Variants in MAP3K20 observed in about 807,000 individuals in gnomAD.
The protein encoded by MAP3K20 is mitogen-activated protein kinase kinase kinase 20, also known as HCCS-4.
A neutral mutation model predicts 85.7 loss-of-function variants in MAP3K20; 40 were observed. That is an observed-to-expected ratio of 0.47 (90% confidence interval 0.36 to 0.61). The LOEUF is 0.61. Ranked by LOEUF, MAP3K20 falls within the 20% of genes least tolerant of loss-of-function variation. The pLI, the probability that MAP3K20 is intolerant of heterozygous loss-of-function variation, is 0.00. For missense variants in MAP3K20, 817 were observed against 961.7 expected, an observed-to-expected ratio of 0.85 and a Z score of 1.99; for synonymous variants, 325 against 327.7, an observed-to-expected ratio of 0.99 and a Z score of 0.09.
At chr2:173,225,018 A>C (rs534900173) in intron 11 of MAP3K20, 2 of 983,086 alleles carry the variant, frequency 2.0e-6, no homozygotes, top group African/African-American at 3.5e-5. Context: ...ATTCAAAATG[A>C]TAATTGAATC....
chr2:173,181,479 G>GT (rs1170726043), intron 3 of MAP3K20, among the ~76,000 whole-genome samples: 2 of 152,194 alleles, frequency 1.3e-5, no homozygotes, highest in South Asian at 4.1e-4. Flanking sequence ...CAGATTGATA[G>GT]TTTCTTTAAA....
chr2:173,132,484 T>C (rs187112926), intron 2 of MAP3K20, among the ~76,000 whole-genome samples: 29 of 152,244 alleles, frequency 1.9e-4, no homozygotes, highest in African/African-American at 6.7e-4. Flanking sequence ...TTCTACCCCT[T>C]CCCTGCCCCT....
chr2:173,169,856 G>A lies in MAP3K20; in HGVS notation c.211G>A (p.Val71Ile), dbSNP rs906311477. Residue 71 changes from valine (V) to isoleucine (I), a missense_variant, in exon 3 of 20, where the codon GTA becomes ATA. This residue lies in a region of MAP3K20 where 200 missense variants were observed against 302.7 expected (regional missense o/e 0.66). Coordinates refer to ENST00000375213, the MANE Select transcript of MAP3K20 (RefSeq NM_016653.3). ...SHRNIIQFYGVILEPPNYGIV... is the reference protein window; with the variant it reads ...SHRNIIQFYGIILEPPNYGIV... ...CAGAAACATCATCCAGTTTTATGGA[G>A]TAATTCTTGAACCTCCCAACTATGG... 1.9e-6 allele frequency: 3 copies of A among 1,613,958 alleles called. No homozygotes were observed. The highest frequency in any genetic ancestry group is 2.5e-6 in the Non-Finnish European group (3 of 1,179,956).
intron 3 of MAP3K20, among the ~76,000 whole-genome samples, chr2:173,170,942 CAGAG>C (rs1338190178): frequency 6.6e-6 from 1 of 152,158 alleles, no homozygotes; most frequent in African/African-American, 2.4e-5. Context: ...TTCTTAAACT[CAGAG>C]AGACATGGTT....
In MAP3K20 at chr2:173,191,161, C is replaced by T; in HGVS notation, c.566C>T (p.Thr189Ile). 6.2e-7 allele frequency: 1 copy of T among 1,613,874 alleles called. No individual in the cohort carries two copies. Among genetic ancestry groups the T allele is most frequent in the East Asian group, 2.2e-5 (1 of 44,870 alleles). ...CTCCCTGTGTCAGAAACTTGTGACA[C>T]ATATTCCTATGGTGTGGTGAGTTCA... ...QSLPVSETCD[T>I]YSYGVVLWEM... Residue 189 changes from threonine (T) to isoleucine (I), a missense_variant, in exon 7 of 20, where the codon ACA becomes ATA. Physicochemically the swap from Thr to Ile is moderately conservative, Grantham distance 89 (BLOSUM62 -1). Transcript: ENST00000375213.
intron 16 of MAP3K20, among the ~76,000 whole-genome samples, chr2:173,242,904 A>C (rs1242621115): frequency 6.6e-6 from 1 of 151,184 alleles, no homozygotes; most frequent in Non-Finnish European, 1.5e-5. Flanking sequence ...ACAGGGTTTC[A>C]CCATGTTGGT....
intron 2 of MAP3K20, among the ~76,000 whole-genome samples, chr2:173,143,086 A>G (rs1689024985): frequency 6.6e-6 from 1 of 152,188 alleles, no homozygotes; most frequent in South Asian, 2.1e-4. Context: ...GCTATCTACA[A>G]GAGGTGTATT....
intron 16 of MAP3K20, among the ~76,000 whole-genome samples, chr2:173,244,872 T>TG (rs1684878304): frequency 6.6e-6 from 1 of 152,186 alleles, no homozygotes; most frequent in South Asian, 2.1e-4. Flanking sequence ...ACCCTCTTCA[T>TG]GGGAAAGGTG....
chr2:173,140,716 T>C (rs1468508021), intron 2 of MAP3K20, among the ~76,000 whole-genome samples: 1 of 152,214 alleles, frequency 6.6e-6, no homozygotes, highest in East Asian at 1.9e-4. Flanking sequence ...AAATGGATCA[T>C]GTGAAGAGGG....
At chr2:173,263,028 T>C (rs1685331860) in intron 18 of MAP3K20, among the ~76,000 whole-genome samples, 1 of 152,126 alleles carries the variant, frequency 6.6e-6, no homozygotes, top group Non-Finnish European at 1.5e-5. Flanking sequence ...TTTGTCTGGG[T>C]TTTTCACTTC....
chr2:173,180,853 T>A (rs1334069904), intron 3 of MAP3K20, among the ~76,000 whole-genome samples: 3 of 152,152 alleles, frequency 2.0e-5, no homozygotes, highest in Non-Finnish European at 4.4e-5. Flanking sequence ...TTAGAAATGA[T>A]ACCAAAAGCA....
At chr2:173,153,595 T>C (rs1254643740) in intron 2 of MAP3K20, among the ~76,000 whole-genome samples, 1 of 152,242 alleles carries the variant, frequency 6.6e-6, no homozygotes, top group African/African-American at 2.4e-5. Flanking sequence ...TTCTAACTTA[T>C]GGGAAAGTAG....
intron 19 of MAP3K20, among the ~76,000 whole-genome samples, chr2:173,265,029 CACACAT>C (rs75251167): frequency 0.13 from 20,224 of 152,152 alleles, 1,410 homozygotes; most frequent in Middle Eastern, 0.17. Flanking sequence ...CAATAAAATA[CACACAT>C]ACACACAACA....
chr2:173,221,208 A>G, intron 11 of MAP3K20: 1 of 1,589,180 alleles, frequency 6.3e-7, no homozygotes, highest in Non-Finnish European at 8.6e-7. Flanking sequence ...TCTAAAACAG[A>G]GGAGTCAAAC....
At chr2:173,094,664 GTGA>G (rs1309730412) in intron 2 of MAP3K20, among the ~76,000 whole-genome samples, 1 of 152,132 alleles carries the variant, frequency 6.6e-6, no homozygotes, top group East Asian at 1.9e-4. Context: ...TGGGGTTTAT[GTGA>G]TTTCCTCCCC....
intron 10 of MAP3K20, chr2:173,215,853 A>G (rs73016810): frequency 0.13 from 19,468 of 152,258 alleles, 1,790 homozygotes; most frequent in African/African-American, 0.26. Context: ...AGAAAAAGGC[A>G]GACTTTGGTT....
intron 1 of MAP3K20, among the ~76,000 whole-genome samples, chr2:173,077,121 G>C (rs1020270821): frequency 6.6e-6 from 1 of 152,150 alleles, no homozygotes; most frequent in Non-Finnish European, 1.5e-5. Context: ...TGGTGTGTGA[G>C]AATCGTCTTA....
chr2:173,143,984 A>C (rs776991448), intron 2 of MAP3K20, among the ~76,000 whole-genome samples: 2 of 152,102 alleles, frequency 1.3e-5, no homozygotes, highest in Non-Finnish European at 2.9e-5. Context: ...ACTACAAGAC[A>C]TTTCTGAGAG....
rs1201996522 is a variant in MAP3K20 at position 173,221,711 on chromosome 2, CGGG to C, written c.987+4465_987+4467del. 7 of 1,307,100 alleles carry C rather than the reference CGGG, an allele frequency of 5.4e-6. No individual in the cohort carries two copies. In the African/African-American group the frequency reaches 7.4e-5, roughly 14 times the overall value. 81.0% of individuals were successfully genotyped at this position (1,307,100 alleles called of 1,614,324 possible). ...ACTTTTATTTTTGCTTACAGAAAAACGGGGGGAGAATTAAGCCAAAGAAGTATA... is the reference window on the plus strand; with the variant it reads ...ACTTTTATTTTTGCTTACAGAAAAACGGGAGAATTAAGCCAAAGAAGTATA... On this transcript the variant is annotated intron_variant, in intron 11 of 19. Coordinates refer to ENST00000375213, the MANE Select transcript of MAP3K20 (RefSeq NM_016653.3).
Sources: allele counts gnomAD v4.1 joint callset (sites outside exome capture counted in the v4.1 genomes callset), GRCh38; gene constraint gnomAD v4.1.1; regional missense constraint gnomAD v4.1.1; transcripts MANE v1.5; gene names NCBI Gene and HGNC (gene_info 2026-07-23, HGNC 2026-07-21).